The following MFSD6 variants were observed in gnomAD, a reference collection of about 807,000 sequenced individuals.
MFSD6 encodes the protein major facilitator superfamily domain-containing protein 6.
In MFSD6, 26 loss-of-function variants were observed where a neutral mutation model predicts 56.3. The observed-to-expected ratio is 0.46, with a 90% CI of 0.34 to 0.64. MFSD6 has a LOEUF of 0.64. Among genes scored for constraint, MFSD6 ranks in the 30% least tolerant of loss-of-function variants. The pLI, the probability that MFSD6 is intolerant of heterozygous loss-of-function variation, is 0.01. For synonymous variants in MFSD6, 331 were observed against 366.9 expected (o/e 0.90, Z 1.12); for missense variants, 750 against 986.2 (o/e 0.76, Z 3.21).
intron 2 of MFSD6, among the ~76,000 whole-genome samples, chr2:190,419,232 T>C (rs1300876903): frequency 1.3e-5 from 2 of 152,196 alleles, no homozygotes; most frequent in Admixed American, 6.5e-5. Flanking sequence ...TTGAACTGAA[T>C]GTTTGAGTGC....
rs1238386845 is a variant in MFSD6, at chr2:190,438,524, G to A, written c.1532+963G>A. On this transcript the variant is annotated intron_variant, in intron 3 of 7. Coordinates refer to ENST00000392328, the MANE Select transcript of MFSD6 (RefSeq NM_017694.4). The surrounding 1 kb of genome is among the most constrained non-coding windows in gnomAD (Gnocchi z 5.2). ...GAGTGAGACTCCATCTAAAAAAAGA[G>A]AACACCCTGTAAGTGCCTAGTGTTT... Among the ~76,000 whole-genome samples the A allele has an allele frequency of 1.3e-5, 2 of 152,146 alleles. No individual in the cohort carries two copies. The highest frequency in any genetic ancestry group is 2.9e-5 in the Non-Finnish European group (2 of 68,020).
rs745888956 is a variant in MFSD6, at chr2:190,433,601, G to A, written c.-53-2376G>A. ...TCACTTTCAAAATGGTTAATTTTGT[G>A]TTATGTGAATTTCACTTCAGTTAAA... is the stretch of plus-strand genomic sequence containing the variant. On this transcript the variant is annotated intron_variant, in intron 2 of 7. Transcript: ENST00000392328. The surrounding 1 kb of genome is among the most constrained non-coding windows in gnomAD (Gnocchi z 4.5). Among the ~76,000 whole-genome samples, 12 of 152,172 alleles carry A rather than the reference G, an allele frequency of 7.9e-5. No individual in the cohort carries two copies. Among genetic ancestry groups the A allele is most frequent in the Non-Finnish European group, 1.8e-4 (12 of 68,030 alleles).
At position 190,434,181 on chromosome 2, in the gene MFSD6, T is replaced by TC. The variant is rs1686096733; in HGVS notation, c.-53-1795dup. On this transcript the variant is annotated intron_variant, in intron 2 of 7. Transcript: ENST00000392328. The surrounding 1 kb of genome is among the most constrained non-coding windows in gnomAD (Gnocchi z 4.3). ...GGGTGACAGAGTAAGACCCTGTCTC[T>TC]CAAAAAAAAAAAAAGAAAAAAAAGA... 1.7e-5 allele frequency among the ~76,000 whole-genome samples: 1 copy of TC among 58,718 alleles called. No homozygotes were observed. The highest frequency in any genetic ancestry group is 3.7e-5 in the Non-Finnish European group (1 of 26,678). 38.5% of individuals were successfully genotyped at this position (58,718 alleles called of 152,430 possible). A position where few individuals can be genotyped will look rare whatever the true frequency, so the allele number is the denominator to read the frequency against.
At position 190,488,836 on chromosome 2, in the gene MFSD6, CT is replaced by C. The variant is rs752166281; in HGVS notation, c.1792+26del. 289 of 1,513,738 alleles carry C rather than the reference CT, an allele frequency of 1.9e-4. No homozygotes were observed. Among genetic ancestry groups the C allele is most frequent in the African/African-American group, 2.3e-4 (16 of 70,470 alleles). The allele number at this position is 1,513,738 out of a possible 1,614,324, so 93.8% of individuals were successfully genotyped here. A position where few individuals can be genotyped will look rare whatever the true frequency, so the allele number is the denominator to read the frequency against. ...TTATTTTGGTAAGAATGGCTTTCTC[CT>C]TTTTTTTCTTTTCTATTATTAAAAC... On this transcript the variant is annotated intron_variant, in intron 5 of 7. Transcript: ENST00000392328. This position sits in a 1 kb window ranked among gnomAD's most constrained non-coding sequence, Gnocchi z 6.4.
In MFSD6 at chr2:190,491,746, AG is replaced by A. The variant is rs138329732; in HGVS notation, c.1891+1882del. 5.3e-4 allele frequency among the ~76,000 whole-genome samples: 81 copies of A among 152,348 alleles called. 1 individual carries two copies. The East Asian group carries it at 0.016, about 29-fold the overall frequency. Reference sequence around the variant, plus strand: ...ACAATTCTAGTAATATGACAAAACAAGGTTCTTTAACCTGCCCCAACAAAAT... The same window carrying A: ...ACAATTCTAGTAATATGACAAAACAAGTTCTTTAACCTGCCCCAACAAAAT... On this transcript the variant is annotated intron_variant, in intron 6 of 7. Transcript: ENST00000392328. The surrounding 1 kb of genome is among the most constrained non-coding windows in gnomAD (Gnocchi z 4.2).
chr2:190,500,393 G>T lies in MFSD6; in HGVS notation c.*175G>T. The T allele has an allele frequency of 1.5e-6, 1 of 680,836 alleles. No homozygotes were observed. Among genetic ancestry groups the T allele is most frequent in the Non-Finnish European group, 2.4e-6 (1 of 413,212 alleles). The allele number at this position is 680,836 out of a possible 1,614,324, so 42.2% of individuals were successfully genotyped here. On this transcript the variant is annotated 3_prime_UTR_variant, in exon 8 of 8. Transcript: ENST00000392328. The surrounding 1 kb of genome is among the most constrained non-coding windows in gnomAD (Gnocchi z 5.3). ...CACACAGGAGCTACAGTACATATTG[G>T]CAGGAAAAGGTAAACTTTCGTAATC... is the stretch of plus-strand genomic sequence containing the variant.
chr2:190,475,590 T>C (rs1438565858), intron 4 of MFSD6, among the ~76,000 whole-genome samples: 2 of 152,200 alleles, frequency 1.3e-5, no homozygotes, highest in East Asian at 3.8e-4. Context: ...GAACATTCCA[T>C]GCTCATGGAT....
chr2:190,411,014 C>A, intron 1 of MFSD6: 1 of 472,660 alleles, frequency 2.1e-6, no homozygotes, highest in Non-Finnish European at 2.8e-6. Context: ...GAGATCGCGC[C>A]ACTGCACTCC....
intron 3 of MFSD6, among the ~76,000 whole-genome samples, chr2:190,444,079 G>A (rs1321027632): frequency 1.3e-5 from 2 of 152,072 alleles, no homozygotes; most frequent in Non-Finnish European, 2.9e-5. Flanking sequence ...GAAAAAATGA[G>A]TAGTCTAATT....
chr2:190,462,363 G>C lies in MFSD6; in HGVS notation c.1533-7395G>C, dbSNP rs961496676. On this transcript the variant is annotated intron_variant, in intron 3 of 7. Coordinates refer to ENST00000392328, the MANE Select transcript of MFSD6 (RefSeq NM_017694.4). The surrounding 1 kb of genome is among the most constrained non-coding windows in gnomAD (Gnocchi z 5.7). ...GATTTTAAACATCCCACAGTGAATG[G>C]TGGATCCCACACAATAAAGAATTGC... is the stretch of plus-strand genomic sequence containing the variant. 6.6e-6 allele frequency among the ~76,000 whole-genome samples: 1 copy of C among 152,186 alleles called. No individual in the cohort carries two copies. Among genetic ancestry groups the C allele is most frequent in the Non-Finnish European group, 1.5e-5 (1 of 68,034 alleles).
chr2:190,430,102 T>G (rs1014690077), intron 2 of MFSD6, among the ~76,000 whole-genome samples: 3 of 151,624 alleles, frequency 2.0e-5, no homozygotes, highest in Non-Finnish European at 4.4e-5. Flanking sequence ...TGGTGTTTGG[T>G]TTTCTGTCCT....
At position 190,477,684 on chromosome 2, in the gene MFSD6, A is replaced by C. The variant is rs114225540; in HGVS notation, c.1630+7829A>C. Among the ~76,000 whole-genome samples, 743 of 152,386 alleles carry C rather than the reference A, an allele frequency of 4.9e-3. 5 individuals carry two copies. The highest frequency in any genetic ancestry group is 0.017 in the African/African-American group (715 of 41,598). On this transcript the variant is annotated intron_variant, in intron 4 of 7. Coordinates refer to ENST00000392328, the MANE Select transcript of MFSD6 (RefSeq NM_017694.4). ...ATAAAATATATACATATATTAACTC[A>C]GGCCACAAGGTCTCACCAACTGTTC...
Position 190,431,571 on chromosome 2 carries a change from G to A in MFSD6, c.-53-4406G>A, listed in dbSNP as rs185851503. On this transcript the variant is annotated intron_variant, in intron 2 of 7. Transcript: ENST00000392328. The surrounding 1 kb of genome is among the most constrained non-coding windows in gnomAD (Gnocchi z 4.4). ...AATACGAAAACCAGTCAGGTGTGGC[G>A]GCGCGCGCCTGCAATCGCAGGCACT... 2.9e-4 allele frequency among the ~76,000 whole-genome samples: 44 copies of A among 152,334 alleles called. 1 individual carries two copies. The East Asian group carries it at 6.2e-3, about 21-fold the overall frequency.
rs1685693091 is a variant in MFSD6 at position 190,423,388 on chromosome 2, G to A, written c.-54+7975G>A. Among the ~76,000 whole-genome samples the A allele has an allele frequency of 6.6e-6, 1 of 152,188 alleles. No homozygotes were observed. The highest frequency in any genetic ancestry group is 1.5e-5 in the Non-Finnish European group (1 of 68,030). On this transcript the variant is annotated intron_variant, in intron 2 of 7. Coordinates refer to ENST00000392328, the MANE Select transcript of MFSD6 (RefSeq NM_017694.4). The surrounding 1 kb of genome is among the most constrained non-coding windows in gnomAD (Gnocchi z 4.3). The stretch of plus-strand genomic sequence containing the variant: ...TTATATGAATAGAATCATACAGTAT[G>A]TAATGTTTTGAGATAGGATTTTTTC...
Position 190,495,381 on chromosome 2 carries a change from C to T in MFSD6, c.1892-2058C>T, listed in dbSNP as rs1036123047. On this transcript the variant is annotated intron_variant, in intron 6 of 7. Coordinates refer to ENST00000392328, the MANE Select transcript of MFSD6 (RefSeq NM_017694.4). The surrounding 1 kb of genome is among the most constrained non-coding windows in gnomAD (Gnocchi z 4.7). ...CACAAATGGAAACATATCCCATGCT[C>T]ATGGATGGGTAGAATCAATATTGTG... is the stretch of plus-strand genomic sequence containing the variant. 4.6e-5 allele frequency among the ~76,000 whole-genome samples: 7 copies of T among 152,162 alleles called. No homozygotes were observed. Among genetic ancestry groups the T allele is most frequent in the African/African-American group, 1.7e-4 (7 of 41,428 alleles).
rs1457175978 is a variant in MFSD6 at position 190,413,338 on chromosome 2, AAAAAACCATGTTC to A, written c.-175-1951_-175-1939del. Among the ~76,000 whole-genome samples, 3 of 152,290 alleles carry A rather than the reference AAAAAACCATGTTC, an allele frequency of 2.0e-5. No homozygotes were observed. In the South Asian group the frequency reaches 6.2e-4, roughly 32 times the overall value. On this transcript the variant is annotated intron_variant, in intron 1 of 7. Coordinates refer to ENST00000392328, the MANE Select transcript of MFSD6 (RefSeq NM_017694.4). This position sits in a 1 kb window ranked among gnomAD's most constrained non-coding sequence, Gnocchi z 4.1. Reference sequence around the variant, plus strand: ...AAGATGGGAAGAAATTCAGACCCTTAAAAAACCATGTTCAAGAGATGTGGAAAAAAATTGAATT... The same window carrying A: ...AAGATGGGAAGAAATTCAGACCCTTAAAGAGATGTGGAAAAAAATTGAATT...
intron 3 of MFSD6, among the ~76,000 whole-genome samples, chr2:190,440,103 T>C (rs1299023028): frequency 1.3e-5 from 2 of 152,220 alleles, no homozygotes; most frequent in Non-Finnish European, 2.9e-5. Flanking sequence ...TTTCAGTACT[T>C]TGTGGTTGTC....
At position 190,438,520 on chromosome 2, in the gene MFSD6, AAG is replaced by A. The variant is rs1235114565; in HGVS notation, c.1532+963_1532+964del. On this transcript the variant is annotated intron_variant, in intron 3 of 7. Transcript: ENST00000392328. The surrounding 1 kb of genome is among the most constrained non-coding windows in gnomAD (Gnocchi z 5.2). ...AACAGAGTGAGACTCCATCTAAAAAAAGAGAACACCCTGTAAGTGCCTAGTGT... is the reference window on the plus strand; with the variant it reads ...AACAGAGTGAGACTCCATCTAAAAAAAGAACACCCTGTAAGTGCCTAGTGT... Among the ~76,000 whole-genome samples, 2 of 152,198 alleles carry A rather than the reference AAG, an allele frequency of 1.3e-5. No individual in the cohort carries two copies. The highest frequency in any genetic ancestry group is 2.9e-5 in the Non-Finnish European group (2 of 68,046).
chr2:190,411,509 TTG>T, intron 1 of MFSD6: 1 of 985,426 alleles, frequency 1.0e-6, no homozygotes, highest in East Asian at 1.1e-4. Flanking sequence ...GAGGATGTTT[TTG>T]CTTTTTACCT....
Sources: gnomAD v4.1 joint callset for allele counts (sites outside exome capture counted in the v4.1 genomes callset) on GRCh38, gnomAD v4.1.1 for gene constraint, Gnocchi (gnomAD v3.1) non-coding constraint, MANE v1.5 for transcripts, NCBI Gene and HGNC (gene_info 2026-07-23, HGNC 2026-07-21) for gene names.